CFAP61: variants seen among roughly 807,000 people sequenced by gnomAD.
CFAP61 encodes cilia and flagella associated protein 61.
Under a neutral mutation model 135.6 loss-of-function variants are expected in CFAP61, and 107 were observed. The ratio of observed to expected loss-of-function variants is 0.79; its 90% CI spans 0.67 to 0.93. The LOEUF is 0.93. CFAP61 is among the 40% of genes least tolerant of loss of function. The probability of loss-of-function intolerance (pLI) is 0.00; values close to 1 mark genes in which losing one functional copy is unlikely to be tolerated. For missense variants in CFAP61, 1,507 were observed against 1,556.2 expected, an observed-to-expected ratio of 0.97 and a Z score of 0.53; for synonymous variants, 575 against 578.5, an observed-to-expected ratio of 0.99 and a Z score of 0.09.
At chr20:20,056,943 C>T in intron 2 of CFAP61, 147 bp downstream of exon 2, 1 of 676,084 alleles carries the variant, frequency 1.5e-6, no homozygotes, top group Non-Finnish European at 2.5e-6. Flanking sequence ...CATGGCAAAA[C>T]CTCATCTCTA....
chr20:20,200,836 G>A (rs934892878), intron 17 of CFAP61: 130 of 985,322 alleles, frequency 1.3e-4, no homozygotes, highest in Non-Finnish European at 1.5e-4. Context: ...TTACTTGTGC[G>A]TGCACTGAGG....
At chr20:20,340,875 C>T (rs967457791) in intron 25 of CFAP61, among the ~76,000 whole-genome samples, 1 of 152,104 alleles carries the variant, frequency 6.6e-6, no homozygotes, top group Non-Finnish European at 1.5e-5. Context: ...GGGGTGAGGC[C>T]TGATACTGCT....
chr20:20,095,424 A>G (rs745381486), intron 7 of CFAP61, among the ~76,000 whole-genome samples: 1 of 152,254 alleles, frequency 6.6e-6, no homozygotes, highest in Non-Finnish European at 1.5e-5. Context: ...GTTCCAGGCC[A>G]GGCATGCAGC....
At chr20:20,100,139 A>G (rs988849904) in intron 8 of CFAP61, among the ~76,000 whole-genome samples, 8 of 151,464 alleles carry the variant, frequency 5.3e-5, no homozygotes, top group African/African-American at 1.7e-4. Context: ...TTATTTTCCA[A>G]TGCTTAAATT....
At chr20:20,249,776 AGCCTTTATCTTTGG>A (rs2050743232) in intron 19 of CFAP61, among the ~76,000 whole-genome samples, 1 of 152,158 alleles carries the variant, frequency 6.6e-6, no homozygotes, top group African/African-American at 2.4e-5. Flanking sequence ...TTCCCCTGAG[AGCCTTTATCTTTGG>A]GCACAGCCTC....
intron 7 of CFAP61, among the ~76,000 whole-genome samples, chr20:20,094,216 G>A (rs1392476046): frequency 6.6e-6 from 1 of 151,918 alleles, no homozygotes; most frequent in African/African-American, 2.4e-5. Context: ...TTAGGTTTTG[G>A]CATGGTTTCT....
chr20:20,070,788 A>C, intron 2 of CFAP61, 66 bp from the exon 3 acceptor site: 1 of 1,493,792 alleles, frequency 6.7e-7, no homozygotes, highest in Non-Finnish European at 9.1e-7. Context: ...GAGGGAAAAA[A>C]ATGGCATGTC....
intron 24 of CFAP61, among the ~76,000 whole-genome samples, chr20:20,292,617 C>T (rs1312124596): frequency 6.6e-6 from 1 of 152,160 alleles, no homozygotes; most frequent in Non-Finnish European, 1.5e-5. Context: ...CATCTGAAGG[C>T]TTGTTTACTA....
At chr20:20,325,346 G>A (rs73118488) in intron 25 of CFAP61, among the ~76,000 whole-genome samples, 43,926 of 152,026 alleles carry the variant, frequency 0.29, 6,698 homozygotes, top group South Asian at 0.42. Context: ...GAAACAGAAC[G>A]CCTTTCCATG....
chr20:20,303,861 G>C (rs534315542), intron 25 of CFAP61, among the ~76,000 whole-genome samples: 3 of 152,314 alleles, frequency 2.0e-5, no homozygotes, highest in African/African-American at 7.2e-5. Context: ...CATGACTTCA[G>C]TATCAGTTCC....
intron 25 of CFAP61, among the ~76,000 whole-genome samples, chr20:20,330,728 G>A (rs1297181513): frequency 6.6e-6 from 1 of 152,124 alleles, no homozygotes; most frequent in Non-Finnish European, 1.5e-5. Flanking sequence ...GCAGCGGTGG[G>A]CCTCTGTTTT....
chr20:20,087,172 G>T (rs1220732789), intron 6 of CFAP61, among the ~76,000 whole-genome samples: 1 of 152,134 alleles, frequency 6.6e-6, no homozygotes, highest in African/African-American at 2.4e-5. Flanking sequence ...GGGGGTACAT[G>T]TGCAGGTTTG....
At chr20:20,266,710 G>A (rs6112842) in intron 21 of CFAP61, among the ~76,000 whole-genome samples, 30 of 152,152 alleles carry the variant, frequency 2.0e-4, no homozygotes, top group South Asian at 6.2e-4. Flanking sequence ...TCCTCCTCAC[G>A]AATAACAGAC....
intron 1 of CFAP61, chr20:20,055,987 A>G: frequency 6.2e-7 from 1 of 1,611,058 alleles, no homozygotes; most frequent in Non-Finnish European, 8.5e-7. Flanking sequence ...TCCTTCTGGA[A>G]CGTTAGGTTC....
intron 21 of CFAP61, among the ~76,000 whole-genome samples, chr20:20,275,758 T>C (rs962726062): frequency 6.6e-6 from 1 of 152,260 alleles, no homozygotes; most frequent in Non-Finnish European, 1.5e-5. Flanking sequence ...AAACCTTTTA[T>C]AGTTTTCGGT....
chr20:20,319,108 C>T (rs1179507011), intron 25 of CFAP61, among the ~76,000 whole-genome samples: 1 of 152,190 alleles, frequency 6.6e-6, no homozygotes, highest in Admixed American at 6.5e-5. Flanking sequence ...CCTAAGTTAT[C>T]CCTCATGGCT....
chr20:20,137,338 C>G (rs56163021), intron 8 of CFAP61, among the ~76,000 whole-genome samples: 28,729 of 152,206 alleles, frequency 0.19, 2,993 homozygotes, highest in Non-Finnish European at 0.24. Flanking sequence ...TTAAGGGCAA[C>G]AAGTTCCCCT....
At chr20:20,151,522 A>C (rs192087012) in intron 9 of CFAP61, among the ~76,000 whole-genome samples, 6 of 152,096 alleles carry the variant, frequency 3.9e-5, no homozygotes, top group Non-Finnish European at 7.4e-5. Flanking sequence ...AGATCTAGAC[A>C]TCCAAATATA....
chr20:20,082,762 G>A (rs191022451), intron 6 of CFAP61, among the ~76,000 whole-genome samples: 39 of 152,250 alleles, frequency 2.6e-4, no homozygotes, highest in African/African-American at 8.7e-4. Context: ...CTAATCATCA[G>A]GGAAATGCAA....
Sources: gnomAD v4.1 joint callset for allele counts (sites outside exome capture counted in the v4.1 genomes callset) on GRCh38, gnomAD v4.1.1 for gene constraint, MANE v1.5 for transcripts, NCBI Gene and HGNC (gene_info 2026-07-23, HGNC 2026-07-21) for gene names.